CYP4F22: variants seen among roughly 807,000 people sequenced by gnomAD.
CYP4F22 encodes ultra-long-chain fatty acid omega-hydroxylase.
A neutral mutation model predicts 60.4 loss-of-function variants in CYP4F22; 37 were observed. That is an observed-to-expected ratio of 0.61 (90% confidence interval 0.47 to 0.81). The LOEUF (loss-of-function observed/expected upper bound fraction) is 0.81, where lower values mean the gene tolerates loss of function less well. Ranked by LOEUF, CYP4F22 falls within the 30% of genes least tolerant of loss-of-function variation. The pLI is 0.00. For synonymous variants in CYP4F22, 258 were observed against 280.5 expected, an observed-to-expected ratio of 0.92 and a Z score of 0.80; for missense variants, 655 against 715.0, an observed-to-expected ratio of 0.92 and a Z score of 0.96.
At chr19:15,549,381 C>G (rs1378825845) in intron 12 of CYP4F22, among the ~76,000 whole-genome samples, 179 bp downstream of exon 12, 1 of 152,172 alleles carries the variant, frequency 6.6e-6, no homozygotes, top group African/African-American at 2.4e-5. Flanking sequence ...TTATTGAGCA[C>G]CTACTGTGTG....
At chr19:15,544,717 G>A (rs759683038) in intron 10 of CYP4F22, among the ~76,000 whole-genome samples, 5 of 152,110 alleles carry the variant, frequency 3.3e-5, no homozygotes, top group Non-Finnish European at 7.4e-5. Context: ...ACCCTGGGTC[G>A]TATTCTTCTC....
At chr19:15,540,399 T>C in intron 7 of CYP4F22, 51 bp from the exon 8 acceptor site, 1 of 1,612,756 alleles carries the variant, frequency 6.2e-7, no homozygotes, top group Non-Finnish European at 8.5e-7. Flanking sequence ...GCCAGGGCTG[T>C]GCTATGCTAG....
rs143047819 is a variant in CYP4F22, at chr19:15,514,399, A to G, written c.-109+5816A>G. Among the ~76,000 whole-genome samples, 105 of 152,344 alleles carry G rather than the reference A, an allele frequency of 6.9e-4. 1 individual carries two copies. The Middle Eastern group carries it at 0.014, about 20-fold the overall frequency. ...AGAAACTCTCAAATGAAAATTTTAT[A>G]TAGTGTCGTCGGGCACGGTGGCTCA... is the stretch of plus-strand genomic sequence containing the variant. On this transcript the variant is annotated intron_variant, in intron 1 of 13. Transcript: ENST00000269703.
At chr19:15,524,730 C>T (rs1363756884) in intron 2 of CYP4F22, among the ~76,000 whole-genome samples, 1 of 152,022 alleles carries the variant, frequency 6.6e-6, no homozygotes, top group Non-Finnish European at 1.5e-5. Context: ...AGTCCTGAAA[C>T]TAGATGGAGG....
At chr19:15,519,462 C>T (rs936437951) in intron 1 of CYP4F22, among the ~76,000 whole-genome samples, 10 of 152,048 alleles carry the variant, frequency 6.6e-5, no homozygotes, top group South Asian at 4.1e-4. Context: ...GGGGTTTTGC[C>T]GTGTTGGCCA....
At chr19:15,529,018 A>C (rs1211886618) in intron 3 of CYP4F22, among the ~76,000 whole-genome samples, 1 of 152,088 alleles carries the variant, frequency 6.6e-6, no homozygotes, top group Non-Finnish European at 1.5e-5. Flanking sequence ...ATCATAGCTC[A>C]CTGCAGCCTT....
intron 8 of CYP4F22, among the ~76,000 whole-genome samples, chr19:15,543,457 G>A (rs973590863): frequency 6.6e-5 from 10 of 152,190 alleles, no homozygotes; most frequent in African/African-American, 2.4e-4. Flanking sequence ...TGCCCAAAGT[G>A]TTGGGATTAT....
chr19:15,509,922 C>CTTCTTTCTTTCTTTCTTTCTTTCTTTCT lies in CYP4F22; in HGVS notation c.-109+1365_-109+1366insCTTTCTTTCTTTCTTTCTTTCTTTCTTT, dbSNP rs1177793281. ...CTTCCTTCCTTTCTTTCTTTCCTTC[C>CTTCTTTCTTTCTTTCTTTCTTTCTTTCT]TTCTTTCTTTCTTTCTTTCTTTCTT... On this transcript the variant is annotated intron_variant, in intron 1 of 13. Transcript: ENST00000269703. Among the ~76,000 whole-genome samples, 421 of 115,468 alleles carry CTTCTTTCTTTCTTTCTTTCTTTCTTTCT rather than the reference C, an allele frequency of 3.6e-3. 10 individuals are homozygous for CTTCTTTCTTTCTTTCTTTCTTTCTTTCT. Among genetic ancestry groups the CTTCTTTCTTTCTTTCTTTCTTTCTTTCT allele is most frequent in the South Asian group, 4.7e-3 (14 of 2,950 alleles). The allele number at this position is 115,468 out of a possible 152,430, so 75.8% of individuals were successfully genotyped here. A position where few individuals can be genotyped will look rare whatever the true frequency, so the allele number is the denominator to read the frequency against.
chr19:15,540,386 C>A, intron 7 of CYP4F22, 64 bp from the exon 8 acceptor site: 1 of 1,606,002 alleles, frequency 6.2e-7, no homozygotes, highest in Non-Finnish European at 8.5e-7. Context: ...TTATCTTAGC[C>A]AAGCCAGGGC....
chr19:15,548,214 C>A lies in CYP4F22; in HGVS notation c.1243C>A (p.Leu415Ile), dbSNP rs1289739165. 6.2e-7 allele frequency: 1 copy of A among 1,614,182 alleles called. No homozygotes were observed. Residue 415 changes from leucine to isoleucine, a missense_variant, in exon 11 of 14, where the codon CTC becomes ATC. Around this residue, in one of 3 missense-constraint regions of CYP4F22, gnomAD observed 74 missense variants for 118.4 expected, o/e 0.62. Coordinates refer to ENST00000269703, the MANE Select transcript of CYP4F22 (RefSeq NM_173483.4). The stretch of plus-strand genomic sequence containing the variant: ...TCGCCAATGCACGGAGGACATCAAG[C>A]TCCCAGATGGGCGCATCATCCCCAA... ...VSRQCTEDIK[L>I]PDGRIIPKGI...
At chr19:15,547,018 G>GTTTTTTTTATTTTTT (rs1971533990) in intron 10 of CYP4F22, among the ~76,000 whole-genome samples, 1 of 82,330 alleles carries the variant, frequency 1.2e-5, no homozygotes, top group African/African-American at 5.7e-5. Flanking sequence ...GCCTGCACCA[G>GTTTTTTTTATTTTTT]TTTTTTTTTT....
At chr19:15,513,513 C>T (rs1407200383) in intron 1 of CYP4F22, among the ~76,000 whole-genome samples, 3 of 151,266 alleles carry the variant, frequency 2.0e-5, no homozygotes, top group East Asian at 1.9e-4. Context: ...TACAGGCGCC[C>T]GCCACCTCGC....
rs753883685 is a variant in CYP4F22, at chr19:15,537,621, C to G, written c.508C>G (p.Pro170Ala). The G allele has an allele frequency of 3.1e-6, 5 of 1,614,026 alleles. No homozygotes were observed. Among genetic ancestry groups the G allele is most frequent in the Non-Finnish European group, 3.4e-6 (4 of 1,180,040 alleles). Residue 170 changes from proline (P) to alanine (A), a missense_variant, in exon 6 of 14, where the codon CCT becomes GCT. Physicochemically the swap from Pro to Ala is conservative, Grantham distance 27. Transcript: ENST00000269703. ...CGCCTTCCACTTTGACATCCTGAAG[C>G]CTTACATGAAGATCTTCAACCAGAG... ...TPAFHFDILKPYMKIFNQSAD... is the reference protein window; with the variant it reads ...TPAFHFDILKAYMKIFNQSAD...
chr19:15,508,972 T>G (rs1350819485), intron 1 of CYP4F22, among the ~76,000 whole-genome samples: 1 of 152,068 alleles, frequency 6.6e-6, no homozygotes, highest in Non-Finnish European at 1.5e-5. Context: ...GACGCCTCTT[T>G]GGGGCTGAAT....
rs1971413368 is a variant in CYP4F22 at position 15,537,653 on chromosome 19, C to A, written c.540C>A (p.Asp180Glu). The A allele has an allele frequency of 1.2e-6, 2 of 1,612,914 alleles. No individual in the cohort carries two copies. Among genetic ancestry groups the A allele is most frequent in the African/African-American group, 2.7e-5 (2 of 74,928 alleles). ...TGAAGATCTTCAACCAGAGCGCTGA[C>A]ATTATGCATGTGAGTCCTAAGGCTT... is the stretch of plus-strand genomic sequence containing the variant. The part of the protein sequence containing the change: ...PYMKIFNQSA[D>E]IMHAKWRHLA... Residue 180 changes from aspartate to glutamate, a missense_variant, in exon 6 of 14, where the codon GAC becomes GAA. Transcript: ENST00000269703.
At chr19:15,544,894 C>T (rs1175366169) in intron 10 of CYP4F22, among the ~76,000 whole-genome samples, 4 of 152,078 alleles carry the variant, frequency 2.6e-5, no homozygotes, top group African/African-American at 4.8e-5. Context: ...AACCCCATCT[C>T]TACTAAAAAT....
At chr19:15,514,361 T>C (rs6512042) in intron 1 of CYP4F22, among the ~76,000 whole-genome samples, 130,304 of 152,238 alleles carry the variant, frequency 0.86, 55,823 homozygotes, top group Middle Eastern at 0.93. Flanking sequence ...TGCGATATAA[T>C]TAGATACAGT....
In CYP4F22 at chr19:15,543,967, C is replaced by T; in HGVS notation, c.940-4C>T. ...GGCTGAGCACCCTCTACTGCCCATT[C>T]CAGGATGAAGATGGAAAGGAACTGT... On this transcript the variant is annotated splice_polypyrimidine_tract_variant and splice_region_variant and intron_variant, in intron 8 of 13. Transcript: ENST00000269703. The T allele has an allele frequency of 6.2e-7, 1 of 1,613,804 alleles. No homozygotes were observed. The highest frequency in any genetic ancestry group is 8.5e-7 in the Non-Finnish European group (1 of 1,179,968).
intron 3 of CYP4F22, among the ~76,000 whole-genome samples, 170 bp from the exon 4 acceptor site, chr19:15,529,539 C>T (rs1197188672): frequency 6.6e-6 from 1 of 152,060 alleles, no homozygotes; most frequent in Non-Finnish European, 1.5e-5. Flanking sequence ...TGATTCTCCT[C>T]CATTTTTTCA....
Sources: allele counts gnomAD v4.1 joint callset (sites outside exome capture counted in the v4.1 genomes callset), GRCh38; gene constraint gnomAD v4.1.1; regional missense constraint gnomAD v4.1.1; transcripts MANE v1.5; gene names NCBI Gene and HGNC (gene_info 2026-07-23, HGNC 2026-07-21).